ABCC4: variants seen among roughly 807,000 people sequenced by gnomAD.
The protein encoded by ABCC4 is ATP-binding cassette sub-family C member 4.
ABCC4 carries 102 observed loss-of-function variants against 168.5 expected under a neutral mutation model. That is an observed-to-expected ratio of 0.61 (90% confidence interval 0.52 to 0.71). The LOEUF (loss-of-function observed/expected upper bound fraction) is 0.71. Among genes scored for constraint, ABCC4 ranks in the 30% least tolerant of loss-of-function variants. ABCC4 has a pLI of 0.00. For missense variants in ABCC4, 1,402 were observed against 1,605.8 expected (o/e 0.87, Z 2.17); for synonymous variants, 617 against 590.7 (o/e 1.04, Z -0.65).
chr13:95,202,580 G>A (rs1425541527), intron 8 of ABCC4, among the ~76,000 whole-genome samples: 3 of 151,840 alleles, frequency 2.0e-5, no homozygotes, highest in Non-Finnish European at 4.4e-5. Context: ...ATTTTTTATG[G>A]CTGCCGCATG....
In ABCC4 at chr13:95,166,338, A is replaced by C. The variant is rs767788587; in HGVS notation, c.1854T>G (p.Thr618=). 4 of 1,613,312 alleles carry C rather than the reference A, an allele frequency of 2.5e-6. No homozygotes were observed. The South Asian group carries it at 3.3e-5, about 13-fold the overall frequency. The change falls in exon 15 of 31, where the codon ACT becomes ACG. Residue 618 remains threonine, a synonymous_variant. Coordinates refer to ENST00000645237, the MANE Select transcript of ABCC4 (RefSeq NM_005845.5). ...AATCTATACCAGATTTTAGGAACTC[A>C]GTGTAAGTCCCCTTCTGCACCATTT... ...DGKMVQKGTY[T]EFLKSGIDFG... is the part of the protein sequence containing the mutation.
intron 19 of ABCC4, among the ~76,000 whole-genome samples, chr13:95,122,619 T>C (rs1430277465): frequency 3.9e-5 from 6 of 152,168 alleles, no homozygotes; most frequent in Non-Finnish European, 7.3e-5. Flanking sequence ...CCTGTTCCCA[T>C]CAGGGGGCCT....
At chr13:95,042,910 C>T (rs1286054673) in intron 29 of ABCC4, among the ~76,000 whole-genome samples, 1 of 152,168 alleles carries the variant, frequency 6.6e-6, no homozygotes, top group Non-Finnish European at 1.5e-5. Context: ...ATTTAGACTA[C>T]AGGCGCCTGC....
intron 1 of ABCC4, among the ~76,000 whole-genome samples, chr13:95,267,085 T>C (rs1336347198): frequency 1.3e-5 from 2 of 152,036 alleles, no homozygotes; most frequent in Non-Finnish European, 2.9e-5. Context: ...CCATGTTATG[T>C]TGGAAAGGCT....
intron 30 of ABCC4, among the ~76,000 whole-genome samples, chr13:95,025,253 A>G (rs1429958904): frequency 3.5e-5 from 1 of 28,884 alleles, no homozygotes; most frequent in Non-Finnish European, 6.1e-5. Flanking sequence ...ACACCCACAC[A>G]CACACACACC....
In ABCC4 at chr13:95,032,371, CATCA is replaced by C. The variant is rs544344632; in HGVS notation, c.3870+2230_3870+2233del. 5.9e-5 allele frequency among the ~76,000 whole-genome samples: 9 copies of C among 152,344 alleles called. No individual in the cohort carries two copies. The South Asian group carries it at 1.7e-3, about 28-fold the overall frequency. On this transcript the variant is annotated intron_variant, in intron 30 of 30. Coordinates refer to ENST00000645237, the MANE Select transcript of ABCC4 (RefSeq NM_005845.5). Reference sequence around the variant, plus strand: ...TCATCATTGCCATCAGGGCTCACCACATCAATCAAATCTCTGCTCTGCTCTATTC... The same window carrying C: ...TCATCATTGCCATCAGGGCTCACCACATCAAATCTCTGCTCTGCTCTATTC...
At position 95,155,389 on chromosome 13, in the gene ABCC4, T is replaced by G. The variant is rs1171880432; in HGVS notation, c.2455+5800A>C. Among the ~76,000 whole-genome samples the G allele has an allele frequency of 2.0e-5, 3 of 152,080 alleles. No individual in the cohort carries two copies. The East Asian group carries it at 5.8e-4, about 29-fold the overall frequency. Reference sequence around the variant, plus strand: ...ACTGGGGCAACCCTCGATTTTTGATTAGGGAACATAGGAGAATATGTCTAT... The same window carrying G: ...ACTGGGGCAACCCTCGATTTTTGATGAGGGAACATAGGAGAATATGTCTAT... On this transcript the variant is annotated intron_variant, in intron 19 of 30. Transcript: ENST00000645237.
chr13:95,032,701 G>T (rs1382717497), intron 30 of ABCC4, among the ~76,000 whole-genome samples: 1 of 150,082 alleles, frequency 6.7e-6, no homozygotes, highest in Non-Finnish European at 1.5e-5. Flanking sequence ...GTTTCGCTCT[G>T]TTGCCAGGCT....
chr13:95,044,462 A>C (rs751052644), intron 27 of ABCC4, 24 bp from the exon 28 acceptor site: 1 of 1,586,412 alleles, frequency 6.3e-7, no homozygotes, highest in Non-Finnish European at 8.6e-7. Flanking sequence ...AAGAAGAATG[A>C]CTGCTATCAT....
intron 16 of ABCC4, 67 bp from the exon 17 acceptor site, chr13:95,163,714 A>C: frequency 5.3e-6 from 7 of 1,319,150 alleles, no homozygotes; most frequent in Non-Finnish European, 4.3e-6. Context: ...CAAAACTCTC[A>C]ATCGCTAACA....
At chr13:95,111,699 C>CTCA (rs2035211342) in intron 20 of ABCC4, among the ~76,000 whole-genome samples, 1 of 152,180 alleles carries the variant, frequency 6.6e-6, no homozygotes, top group Non-Finnish European at 1.5e-5. Flanking sequence ...CAAATGAAAA[C>CTCA]TCACAAATAC....
chr13:95,063,864 T>C (rs192327057), intron 25 of ABCC4, among the ~76,000 whole-genome samples: 52 of 152,306 alleles, frequency 3.4e-4, no homozygotes, highest in African/African-American at 1.2e-3. Flanking sequence ...AACTGCAAAT[T>C]TCCTGGTGGG....
At chr13:95,108,728 G>A (rs1362843286) in intron 20 of ABCC4, among the ~76,000 whole-genome samples, 1 of 151,480 alleles carries the variant, frequency 6.6e-6, no homozygotes, top group Non-Finnish European at 1.5e-5. Context: ...TACAACCCAA[G>A]TTCAAGTGAT....
At chr13:95,283,210 C>T (rs1362830990) in intron 1 of ABCC4, among the ~76,000 whole-genome samples, 2 of 137,980 alleles carry the variant, frequency 1.4e-5, no homozygotes, top group East Asian at 2.2e-4. Context: ...AGCAAGACTC[C>T]AACTCAAAAA....
intron 20 of ABCC4, among the ~76,000 whole-genome samples, chr13:95,099,442 A>C (rs1311956559): frequency 2.6e-5 from 4 of 152,288 alleles, no homozygotes; most frequent in South Asian, 4.1e-4. Flanking sequence ...ACAATTAGTA[A>C]AATTCAACCT....
rs1348143655 is a variant in ABCC4, at chr13:95,190,328, G to A, written c.1264-1786C>T. Among the ~76,000 whole-genome samples, 11 of 152,300 alleles carry A rather than the reference G, an allele frequency of 7.2e-5. No homozygotes were observed. The East Asian group carries it at 1.2e-3, about 16-fold the overall frequency. The stretch of plus-strand genomic sequence containing the variant: ...CACTCTAACCCGGGTGACACAGTAA[G>A]ACCTTGTCTCAAAAAAATGTTATTT... On this transcript the variant is annotated intron_variant, in intron 9 of 30. Transcript: ENST00000645237.
chr13:95,298,295 C>A (rs2041587935), intron 1 of ABCC4, among the ~76,000 whole-genome samples: 1 of 151,728 alleles, frequency 6.6e-6, no homozygotes, highest in Non-Finnish European at 1.5e-5. Context: ...GAGAAAGACT[C>A]CGTCTCAAAA....
At chr13:95,125,035 A>G (rs1368548639) in intron 19 of ABCC4, among the ~76,000 whole-genome samples, 3 of 152,156 alleles carry the variant, frequency 2.0e-5, no homozygotes, top group African/African-American at 7.2e-5. Flanking sequence ...AATTAGTGCC[A>G]GAAACCACAT....
At chr13:95,260,801 T>C (rs934913799) in intron 1 of ABCC4, among the ~76,000 whole-genome samples, 4 of 152,002 alleles carry the variant, frequency 2.6e-5, no homozygotes, top group Admixed American at 6.6e-5. Context: ...TTGTATATGA[T>C]GAACTGTGGA....
Sources: allele counts gnomAD v4.1 joint callset (sites outside exome capture counted in the v4.1 genomes callset), GRCh38; gene constraint gnomAD v4.1.1; transcripts MANE v1.5; gene names NCBI Gene and HGNC (gene_info 2026-07-23, HGNC 2026-07-21).